Variants in MAP4K4 observed in about 807,000 individuals in gnomAD.
MAP4K4 encodes mitogen-activated protein kinase kinase kinase kinase 4, also known as HPK/GCK-like kinase HGK.
A neutral mutation model predicts 189.6 loss-of-function variants in MAP4K4; 38 were observed. The observed-to-expected ratio is 0.20, with a 90% CI of 0.15 to 0.26. The LOEUF is 0.26. MAP4K4 is among the 10% of genes least tolerant of loss of function. The pLI, the probability that MAP4K4 is intolerant of heterozygous loss-of-function variation, is 1.00. For missense variants in MAP4K4, 1,054 were observed against 1,726.9 expected (o/e 0.61, Z 6.91); for synonymous variants, 610 against 624.3 (o/e 0.98, Z 0.34).
Position 101,866,357 on chromosome 2 carries a change from C to T in MAP4K4, c.2205-71C>T, listed in dbSNP as rs2097815356. On this transcript the variant is annotated intron_variant, in intron 18 of 32. Coordinates refer to ENST00000324219, the Ensembl canonical transcript of MAP4K4. ...AAAGACATTGGATGGGCACACCATGCACATGTTGGTAATTTGGTGCTGCAT... is the reference window on the plus strand; with the variant it reads ...AAAGACATTGGATGGGCACACCATGTACATGTTGGTAATTTGGTGCTGCAT... 2.7e-6 allele frequency: 4 copies of T among 1,471,188 alleles called. No individual in the cohort carries two copies. In the Admixed American group the frequency reaches 5.4e-5, roughly 20 times the overall value. The allele number at this position is 1,471,188 out of a possible 1,614,324, so 91.1% of individuals were successfully genotyped here. A position where few individuals can be genotyped will look rare whatever the true frequency, so the allele number is the denominator to read the frequency against.
At chr2:101,733,733 C>T (rs2059369663) in intron 2 of MAP4K4, among the ~76,000 whole-genome samples, 1 of 152,210 alleles carries the variant, frequency 6.6e-6, no homozygotes, top group South Asian at 2.1e-4. Context: ...CAGGTAGCCT[C>T]GTGTAGTGCC....
In MAP4K4 at chr2:101,872,053, CT is replaced by C. The variant is rs1218235819; in HGVS notation, c.2952+373del. 4.6e-5 allele frequency among the ~76,000 whole-genome samples: 7 copies of C among 152,166 alleles called. No homozygotes were observed. The East Asian group carries it at 1.3e-3, about 29-fold the overall frequency. On this transcript the variant is annotated intron_variant, in intron 24 of 32. Transcript: ENST00000324219. ...ATTTGTGGAATCTGCCTTTTTCATT[CT>C]TTTTATCCAATAAATAAAATATAGG...
At chr2:101,738,357 T>C (rs1431801705) in intron 2 of MAP4K4, among the ~76,000 whole-genome samples, 1 of 152,148 alleles carries the variant, frequency 6.6e-6, no homozygotes. Flanking sequence ...AAAACAGTTT[T>C]AGGCAGGATA....
chr2:101,867,459 A>T, intron 20 of MAP4K4, 150 bp downstream of exon 20: 1 of 611,946 alleles, frequency 1.6e-6, no homozygotes. Flanking sequence ...CCCCAGACAT[A>T]CTTGTTCCCT....
intron 12 of MAP4K4, among the ~76,000 whole-genome samples, chr2:101,847,329 A>G (rs1431349067): frequency 2.6e-5 from 4 of 152,224 alleles, no homozygotes; most frequent in African/African-American, 9.7e-5. Flanking sequence ...TACTCCTTCT[A>G]CATATTAAAA....
At chr2:101,814,670 G>A (rs2095617169) in intron 3 of MAP4K4, among the ~76,000 whole-genome samples, 1 of 152,208 alleles carries the variant, frequency 6.6e-6, no homozygotes, top group African/African-American at 2.4e-5. Context: ...GAGCCAAGGT[G>A]ATTTTGGTTT....
chr2:101,718,674 G>A (rs2049980344), intron 2 of MAP4K4, among the ~76,000 whole-genome samples: 1 of 151,816 alleles, frequency 6.6e-6, no homozygotes, highest in Admixed American at 6.6e-5. Context: ...GCTGAGAGGA[G>A]CAGAAGTTGC....
chr2:101,808,921 C>T (rs1223178984), intron 3 of MAP4K4, among the ~76,000 whole-genome samples: 1 of 151,974 alleles, frequency 6.6e-6, no homozygotes, highest in African/African-American at 2.4e-5. Context: ...ACAGTCTCAC[C>T]CCCCCGACGT....
chr2:101,876,069 A>T (rs1255130228), intron 26 of MAP4K4, among the ~76,000 whole-genome samples: 1 of 152,174 alleles, frequency 6.6e-6, no homozygotes, highest in Non-Finnish European at 1.5e-5. Flanking sequence ...AGGGACAGAG[A>T]AGGGGTTTTC....
intron 22 of MAP4K4, 174 bp from the exon 23 acceptor site, chr2:101,870,121 C>A: frequency 1.5e-6 from 1 of 675,318 alleles, no homozygotes; most frequent in Non-Finnish European, 2.4e-6. Flanking sequence ...AAACAAATGG[C>A]ACTGGAAAGA....
intron 2 of MAP4K4, among the ~76,000 whole-genome samples, chr2:101,714,196 C>T (rs1414397640): frequency 6.6e-6 from 1 of 152,130 alleles, no homozygotes; most frequent in Non-Finnish European, 1.5e-5. Context: ...CTTATACTTT[C>T]AAAACCATTT....
At chr2:101,882,513 T>A (rs760871618) in intron 27 of MAP4K4, 38 bp from the exon 28 acceptor site, 2 of 1,482,242 alleles carry the variant, frequency 1.3e-6, no homozygotes, top group South Asian at 2.7e-5. Context: ...GACCTACTTC[T>A]GGATATGCAT....
chr2:101,840,823 C>G (rs1033179725), intron 10 of MAP4K4, among the ~76,000 whole-genome samples: 1 of 152,142 alleles, frequency 6.6e-6, no homozygotes, highest in African/African-American at 2.4e-5. Flanking sequence ...AGTCTGGAGG[C>G]CTTTCTGCCT....
chr2:101,855,442 C>T (rs186464668), intron 12 of MAP4K4, among the ~76,000 whole-genome samples: 305 of 152,276 alleles, frequency 2.0e-3, no homozygotes, highest in African/African-American at 6.9e-3. Flanking sequence ...TAGTGCCAGG[C>T]ACATAGTAGT....
chr2:101,718,596 TG>T (rs1208452439), intron 2 of MAP4K4, among the ~76,000 whole-genome samples: 1 of 4,912 alleles, frequency 2.0e-4, no homozygotes, highest in Non-Finnish European at 4.1e-4. Context: ...AGTGGAAGGG[TG>T]GGGGATGGGG....
rs2096714904 is a variant in MAP4K4 at position 101,835,237 on chromosome 2, A to T, written c.695-663A>T. ...TCATCCTTTCTCTCAGTTTTTGTTCACAAGGGGAATAGTATTGTCTGCCTC... is the reference window on the plus strand; with the variant it reads ...TCATCCTTTCTCTCAGTTTTTGTTCTCAAGGGGAATAGTATTGTCTGCCTC... On this transcript the variant is annotated intron_variant, in intron 8 of 32. Coordinates refer to ENST00000324219, the Ensembl canonical transcript of MAP4K4. Among the ~76,000 whole-genome samples, 2 of 152,340 alleles carry T rather than the reference A, an allele frequency of 1.3e-5. 1 individual carries two copies. The highest frequency in any genetic ancestry group is 4.1e-4 in the South Asian group (2 of 4,830).
Position 101,698,603 on chromosome 2 carries a change from AG to A in MAP4K4, c.123+68del, listed in dbSNP as rs919632207. 5.7e-5 allele frequency: 85 copies of A among 1,493,438 alleles called. No individual in the cohort carries two copies. In the African/African-American group the frequency reaches 1.1e-3, roughly 19 times the overall value. 92.5% of individuals were successfully genotyped at this position (1,493,438 alleles called of 1,614,324 possible). ...AAACTTCTTATTGGGGGACGAGGAG[AG>A]GGTGATAAACATGCTGCTGACTGGA... On this transcript the variant is annotated intron_variant, in intron 2 of 32. Transcript: ENST00000324219.
At chr2:101,726,577 T>C (rs1008345541) in intron 2 of MAP4K4, among the ~76,000 whole-genome samples, 11 of 152,216 alleles carry the variant, frequency 7.2e-5, no homozygotes, top group East Asian at 3.8e-4. Context: ...TACTTTTCTC[T>C]CCTGAAGTTG....
At chr2:101,819,003 G>C (rs2095876978) in intron 3 of MAP4K4, among the ~76,000 whole-genome samples, 1 of 152,194 alleles carries the variant, frequency 6.6e-6, no homozygotes, top group Admixed American at 6.5e-5. Flanking sequence ...CTTGTGACCT[G>C]CTAAAGAAGG....
Sources: gnomAD v4.1 joint callset for allele counts (sites outside exome capture counted in the v4.1 genomes callset) on GRCh38, gnomAD v4.1.1 for gene constraint, MANE v1.5 for transcripts, NCBI Gene and HGNC (gene_info 2026-07-23, HGNC 2026-07-21) for gene names.